MED23: variants seen among roughly 807,000 people sequenced by gnomAD.
MED23 encodes mediator complex subunit 23, also known as mediator of RNA polymerase II transcription subunit 23.
MED23 carries 105 observed loss-of-function variants against 163.9 expected under a neutral mutation model. The observed-to-expected ratio is 0.64, with a 90% CI of 0.55 to 0.75. MED23 has a LOEUF of 0.75. MED23 is among the 30% of genes least tolerant of loss of function. The probability of loss-of-function intolerance (pLI) is 0.00; values close to 1 mark genes in which losing one functional copy is unlikely to be tolerated. For synonymous variants in MED23, 561 were observed against 565.6 expected, an observed-to-expected ratio of 0.99 and a Z score of 0.12; for missense variants, 1,054 against 1,649.0, an observed-to-expected ratio of 0.64 and a Z score of 6.25.
Position 131,593,426 on chromosome 6 carries a change from A to C in MED23, c.3233-255T>G, listed in dbSNP as rs186790047. On this transcript the variant is annotated intron_variant, in intron 23 of 28. Coordinates refer to ENST00000368068, the MANE Select transcript of MED23 (RefSeq NM_004830.4). ...ATAGCCACAGATGCAACCAAGGTTT[A>C]CCTAGGTTTCATGAGCCTATTTCTT... 9.2e-3 allele frequency among the ~76,000 whole-genome samples: 1,404 copies of C among 152,304 alleles called. 29 individuals carry two copies. Among genetic ancestry groups the C allele is most frequent in the Middle Eastern group, 0.065 (19 of 294 alleles).
intron 22 of MED23, among the ~76,000 whole-genome samples, chr6:131,595,249 C>T (rs547017923): frequency 6.6e-6 from 1 of 152,258 alleles, no homozygotes; most frequent in Non-Finnish European, 1.5e-5. Flanking sequence ...CCAATCAAGT[C>T]CTGTTCCTTC....
rs5880072 is a variant in MED23 at position 131,615,066 on chromosome 6, C to CA, written c.876+840dup. On this transcript the variant is annotated intron_variant, in intron 10 of 28. Coordinates refer to ENST00000368068, the MANE Select transcript of MED23 (RefSeq NM_004830.4). ...GTGCCAGGTGTTGTCTCTTTGTTAC[C>CA]AAAAAAAAAAAAAAAAAAAGAAAAA... 2.9e-3 allele frequency among the ~76,000 whole-genome samples: 199 copies of CA among 68,218 alleles called. 5 individuals carry two copies. Among genetic ancestry groups the CA allele is most frequent in the East Asian group, 8.5e-3 (20 of 2,340 alleles). The allele number at this position is 68,218 out of a possible 152,430, so 44.8% of individuals were successfully genotyped here.
chr6:131,620,664 G>A lies in MED23; in HGVS notation c.561C>T (p.Ile187=). The stretch of plus-strand genomic sequence containing the variant: ...GTTTGCCTTCAGGATACAGTTTCCT[G>A]ATCTCAGTGACTGCAAAATAGGCTG... ...LLPAYFAVTE[I]RKLYPEGKLP... is the part of the protein sequence containing the mutation. Residue 187 remains isoleucine, a synonymous_variant, in exon 7 of 29, where the codon ATC becomes ATT. Transcript: ENST00000368068. 1 of 1,613,074 alleles carries A rather than the reference G, an allele frequency of 6.2e-7. No individual in the cohort carries two copies. The highest frequency in any genetic ancestry group is 8.5e-7 in the Non-Finnish European group (1 of 1,179,292).
chr6:131,580,945 C>G (rs1032127949), intron 30 of MED23, among the ~76,000 whole-genome samples: 2 of 152,104 alleles, frequency 1.3e-5, no homozygotes, highest in African/African-American at 4.8e-5. Flanking sequence ...TGGCTACGCT[C>G]TAATCGTGGT....
intron 10 of MED23, among the ~76,000 whole-genome samples, chr6:131,614,215 T>C (rs1162856731): frequency 3.3e-5 from 5 of 152,140 alleles, no homozygotes; most frequent in Admixed American, 3.3e-4. Flanking sequence ...CAAGGAAACT[T>C]GGCAAATTTT....
intron 12 of MED23, among the ~76,000 whole-genome samples, 155 bp downstream of exon 12, chr6:131,607,773 C>G (rs1775968057): frequency 6.6e-6 from 1 of 152,110 alleles, no homozygotes; most frequent in Non-Finnish European, 1.5e-5. Flanking sequence ...TGTAGACCTA[C>G]CTAGAATGTA....
At chr6:131,609,250 T>G (rs1333370917) in intron 11 of MED23, among the ~76,000 whole-genome samples, 6 of 152,168 alleles carry the variant, frequency 3.9e-5, no homozygotes, top group Non-Finnish European at 1.5e-5. Context: ...AAATCTAAAC[T>G]CCTTAGAACA....
Position 131,624,896 on chromosome 6 carries a change from T to C in MED23, c.253A>G (p.Met85Val). The change falls in exon 4 of 29, where the codon ATG becomes GTG. Residue 85 changes from methionine (M) to valine (V), a missense_variant. Around this residue, in one of 11 missense-constraint regions of MED23, gnomAD observed 227 missense variants for 235.5 expected, o/e 0.96. Coordinates refer to ENST00000368068, the MANE Select transcript of MED23 (RefSeq NM_004830.4). ...GGAAGGAGACCAGTCTCAACTGCCA[T>C]TGCTAAGCAGTCATAAAGAAAAGAA... ...RISFLYDCLAMAVETGLLPPR... is the reference protein window; with the variant it reads ...RISFLYDCLAVAVETGLLPPR... The C allele has an allele frequency of 3.1e-6, 5 of 1,613,976 alleles. No individual in the cohort carries two copies. Among genetic ancestry groups the C allele is most frequent in the African/African-American group, 1.3e-5 (1 of 75,068 alleles).
intron 27 of MED23, 44 bp downstream of exon 27, chr6:131,590,278 T>C (rs757175830): frequency 1.3e-6 from 2 of 1,567,028 alleles, no homozygotes; most frequent in Non-Finnish European, 1.8e-6. Flanking sequence ...AAATAGATAC[T>C]TCAGAATTTA....
chr6:131,574,585 A>G (rs1773522509), intron 30 of MED23, among the ~76,000 whole-genome samples: 1 of 152,180 alleles, frequency 6.6e-6, no homozygotes, highest in Non-Finnish European at 1.5e-5. Context: ...TCATTGTCTC[A>G]TGATTGTAAG....
intron 3 of MED23, chr6:131,627,017 A>G: frequency 5.6e-6 from 1 of 179,740 alleles, no homozygotes; most frequent in Non-Finnish European, 1.2e-5. Context: ...CTTTGTATCA[A>G]TGCTGTGCCA....
chr6:131,605,695 T>C (rs1775805539), intron 13 of MED23, among the ~76,000 whole-genome samples: 1 of 152,180 alleles, frequency 6.6e-6, no homozygotes, highest in Non-Finnish European at 1.5e-5. Flanking sequence ...AAATAAACAA[T>C]TAATGGGTAC....
At chr6:131,579,382 T>C (rs1773799867) in intron 30 of MED23, 9 of 1,368,134 alleles carry the variant, frequency 6.6e-6, no homozygotes, top group Non-Finnish European at 9.0e-6. Flanking sequence ...CAGAAAAGCA[T>C]TGACCTATAT....
rs770238471 is a variant in MED23 at position 131,619,851 on chromosome 6, T to G, written c.643A>C (p.Thr215Pro). The G allele has an allele frequency of 6.2e-7, 1 of 1,611,566 alleles. No individual in the cohort carries two copies. Among genetic ancestry groups the G allele is most frequent in the Non-Finnish European group, 8.5e-7 (1 of 1,178,072 alleles). ...VSDFVDTFRP[T>P]ARINSICGRC... ...CCACAAATGGAGTTTATCCTTGCTG[T>G]GGGCCTGAAGGTATCCACAAAGTCT... The change falls in exon 8 of 29, where the codon ACA becomes CCA. Residue 215 changes from threonine to proline, a missense_variant. By Grantham distance (38) the Thr-to-Pro change is conservative. Around this residue, in one of 11 missense-constraint regions of MED23, gnomAD observed 54 missense variants for 79.7 expected, o/e 0.68. Coordinates refer to ENST00000368068, the MANE Select transcript of MED23 (RefSeq NM_004830.4).
intron 12 of MED23, among the ~76,000 whole-genome samples, chr6:131,607,328 T>C (rs1347563896): frequency 6.6e-6 from 1 of 151,896 alleles, no homozygotes; most frequent in Admixed American, 6.6e-5. Flanking sequence ...GCAGATCACC[T>C]AAGGTCAGGA....
intron 10 of MED23, among the ~76,000 whole-genome samples, chr6:131,612,393 ACTCT>A (rs1776344101): frequency 6.6e-6 from 1 of 152,040 alleles, no homozygotes; most frequent in African/African-American, 2.4e-5. Context: ...TAAAATTAAG[ACTCT>A]CTACTACATA....
intron 30 of MED23, chr6:131,581,202 A>C: frequency 6.2e-7 from 1 of 1,613,660 alleles, no homozygotes; most frequent in Non-Finnish European, 8.5e-7. Flanking sequence ...GTTCACACAA[A>C]ATTTTTTCCC....
At chr6:131,577,987 A>G (rs1387911025) in intron 30 of MED23, among the ~76,000 whole-genome samples, 1 of 152,066 alleles carries the variant, frequency 6.6e-6, no homozygotes, top group Non-Finnish European at 1.5e-5. Flanking sequence ...TGATAAGACA[A>G]GAAAGACTAC....
chr6:131,597,165 T>G (rs536910609), intron 20 of MED23, among the ~76,000 whole-genome samples: 2 of 152,158 alleles, frequency 1.3e-5, no homozygotes, highest in East Asian at 3.9e-4. Flanking sequence ...CCAGCCTACT[T>G]CAATATCTTT....
Sources: gnomAD v4.1 joint callset for allele counts (sites outside exome capture counted in the v4.1 genomes callset) on GRCh38, gnomAD v4.1.1 for gene constraint, gnomAD v4.1.1 regional missense constraint, MANE v1.5 for transcripts, NCBI Gene and HGNC (gene_info 2026-07-23, HGNC 2026-07-21) for gene names.